ZNF114: variants seen among roughly 807,000 people sequenced by gnomAD.
The protein encoded by ZNF114 is zinc finger protein 114.
A neutral mutation model predicts 6.8 loss-of-function variants in ZNF114; 8 were observed. The observed-to-expected ratio is 1.18, with a 90% CI of 0.69 to 2.13. ZNF114 has a LOEUF of 2.13. ZNF114 is among the 30% of genes most tolerant of loss of function. The pLI, the probability that ZNF114 is intolerant of heterozygous loss-of-function variation, is 0.00. For synonymous variants in ZNF114, 169 were observed against 185.5 expected (o/e 0.91, Z 0.72); for missense variants, 472 against 519.5 (o/e 0.91, Z 0.89).
chr19:48,272,458 G>C (rs116842645), intron 3 of ZNF114, among the ~76,000 whole-genome samples: 24,911 of 147,976 alleles, frequency 0.17, 2,287 homozygotes, highest in Non-Finnish European at 0.21. Context: ...GCCGGGCATG[G>C]TGGCGGGCGC....
chr19:48,274,047 G>A (rs559932627), intron 3 of ZNF114, among the ~76,000 whole-genome samples: 45 of 150,964 alleles, frequency 3.0e-4, no homozygotes, highest in African/African-American at 1.0e-3. Context: ...GTGAGCCACC[G>A]TGCCTGGCCA....
chr19:48,275,055 C>G (rs148465029), intron 3 of ZNF114, among the ~76,000 whole-genome samples: 4,053 of 147,578 alleles, frequency 0.027, 171 homozygotes, highest in African/African-American at 0.093. Flanking sequence ...GGTGGGAGGA[C>G]TGCTTGACCC....
Position 48,286,620 on chromosome 19 carries a change from T to C in ZNF114, c.996T>C (p.Tyr332=). 6.2e-7 allele frequency: 1 copy of C among 1,613,938 alleles called. No homozygotes were observed. Among genetic ancestry groups the C allele is most frequent in the Middle Eastern group, 1.7e-4 (1 of 6,060 alleles). The change falls in exon 6 of 6, where the codon TAT becomes TAC. Residue 332 remains tyrosine, a synonymous_variant. Coordinates refer to ENST00000595607, the MANE Select transcript of ZNF114 (RefSeq NM_153608.4). ...HMKIHTGEKP[Y]ECGKCGKAFR... ...AAATTCACACTGGAGAGAAACCGTA[T>C]GAATGTGGGAAATGTGGGAAAGCCT... is the stretch of plus-strand genomic sequence containing the variant.
intron 3 of ZNF114, among the ~76,000 whole-genome samples, chr19:48,275,215 A>G (rs1394012178): frequency 7.5e-6 from 1 of 133,304 alleles, no homozygotes; most frequent in African/African-American, 2.8e-5. Context: ...GAAGAGAGAA[A>G]GAGAGAGGGA....
At chr19:48,270,570 AAAGAAAG>A (rs1264971943) in intron 1 of ZNF114, among the ~76,000 whole-genome samples, 2 of 147,452 alleles carry the variant, frequency 1.4e-5, no homozygotes, top group Non-Finnish European at 3.0e-5. Flanking sequence ...GAGAAAGAAA[AAAGAAAG>A]AAGAAAGAAA....
Position 48,279,824 on chromosome 19 carries a change from A to T in ZNF114, c.9+16A>T, listed in dbSNP as rs1257328955. The T allele has an allele frequency of 6.2e-7, 1 of 1,613,764 alleles. No individual in the cohort carries two copies. ...TATGTCCCAGGTAAGTTGGCAGCTC[A>T]CCCTCTCCCAGAAGCGTGTTGTCGT... On this transcript the variant is annotated intron_variant, in intron 4 of 5. Transcript: ENST00000595607.
At chr19:48,270,882 C>A (rs914441845) in intron 1 of ZNF114, among the ~76,000 whole-genome samples, 5 of 151,694 alleles carry the variant, frequency 3.3e-5, no homozygotes, top group African/African-American at 1.2e-4. Context: ...ATCGCTGAAA[C>A]CCTGTCTTTA....
Position 48,286,138 on chromosome 19 carries a change from GAA to G in ZNF114, c.517_518del (p.Asn173GlnfsTer39), listed in dbSNP as rs780473864. 25 of 1,614,052 alleles carry G rather than the reference GAA, an allele frequency of 1.5e-5. No homozygotes were observed. The highest frequency in any genetic ancestry group is 2.1e-5 in the Non-Finnish European group (25 of 1,180,042). On this transcript the variant is annotated frameshift_variant, in exon 6 of 6. Transcript: ENST00000595607. LOFTEE classifies it low-confidence loss of function (END_TRUNC). The stretch of plus-strand genomic sequence containing the variant: ...CTTAAACGATAGTCAAAAAACACAT[GAA>G]AACAACGAAGACGATGGAGTCTTGG... ...PVLNDSQKTH[E>X]NNEDDGVLGW...
chr19:48,286,810 G>T lies in ZNF114; in HGVS notation c.1186G>T (p.Asp396Tyr). ...CTATAAATGTAAGACATGTGGAAAA[G>T]ACTTTGCAAAGTCGTCAGGACTTAA... ...KPYKCKTCGKDFAKSSGLKKH... is the reference protein window; with the variant it reads ...KPYKCKTCGKYFAKSSGLKKH... Residue 396 changes from aspartate to tyrosine, a missense_variant, in exon 6 of 6, where the codon GAC (aspartate) becomes TAC (tyrosine). Asp to Tyr is a radical substitution (Grantham distance 160, BLOSUM62 -3). Coordinates refer to ENST00000595607, the MANE Select transcript of ZNF114 (RefSeq NM_153608.4). 2 of 1,601,958 alleles carry T rather than the reference G, an allele frequency of 1.2e-6. No individual in the cohort carries two copies. Among genetic ancestry groups the T allele is most frequent in the Non-Finnish European group, 1.7e-6 (2 of 1,176,854 alleles).
chr19:48,280,547 AT>A (rs397859226), intron 4 of ZNF114, among the ~76,000 whole-genome samples: 5,432 of 122,906 alleles, frequency 0.044, 273 homozygotes, highest in African/African-American at 0.15. Flanking sequence ...CCCACTCCAA[AT>A]TTTTTTTTTT....
chr19:48,287,533 C>G lies in ZNF114; in HGVS notation c.*655C>G, dbSNP rs1325427552. 1 of 151,700 alleles carries G rather than the reference C, an allele frequency of 6.6e-6. No homozygotes were observed. The highest frequency in any genetic ancestry group is 1.5e-5 in the Non-Finnish European group (1 of 67,956). 9.4% of individuals were successfully genotyped at this position (151,700 alleles called of 1,614,324 possible). ...AAAGTAGGAAAGACCTCTTTAAACA[C>G]TTACCACTCATGTTGCATGTGAATC... is the stretch of plus-strand genomic sequence containing the variant. On this transcript the variant is annotated 3_prime_UTR_variant, in exon 6 of 6. Coordinates refer to ENST00000595607, the MANE Select transcript of ZNF114 (RefSeq NM_153608.4).
intron 5 of ZNF114, among the ~76,000 whole-genome samples, chr19:48,285,427 G>A (rs1331868899): frequency 6.6e-6 from 1 of 152,068 alleles, no homozygotes; most frequent in Non-Finnish European, 1.5e-5. Flanking sequence ...GAACCTGGGA[G>A]GCGGAGGTTG....
At chr19:48,277,794 G>GGGTGTGTGTGTGTGTGTGTGTGT (rs1330052475) in intron 3 of ZNF114, among the ~76,000 whole-genome samples, 14 of 119,410 alleles carry the variant, frequency 1.2e-4, no homozygotes, top group African/African-American at 4.6e-4. Context: ...GGAGGCATTG[G>GGGTGTGTGTGTGTGTGTGTGTGT]GTGTGTGTGT....
chr19:48,282,149 C>T (rs1968010280), intron 4 of ZNF114: 1 of 386,986 alleles, frequency 2.6e-6, no homozygotes, highest in East Asian at 6.9e-5. Flanking sequence ...CCACCTGCCT[C>T]AGCCTCCCAA....
In ZNF114 at chr19:48,286,367, A is replaced by T; in HGVS notation, c.743A>T (p.Tyr248Phe). The T allele has an allele frequency of 3.7e-6, 6 of 1,614,206 alleles. No homozygotes were observed. The highest frequency in any genetic ancestry group is 5.1e-6 in the Non-Finnish European group (6 of 1,180,044). Residue 248 changes from tyrosine (Y) to phenylalanine (F), a missense_variant, in exon 6 of 6, where the codon TAT becomes TTT. Coordinates refer to ENST00000595607, the MANE Select transcript of ZNF114 (RefSeq NM_153608.4). ...AHNTHGREKM[Y>F]DFTQCENTSR... ...AACACTCATGGTCGAGAGAAAATGT[A>T]TGATTTTACTCAGTGCGAGAACACC...
rs754084497 is a variant in ZNF114 at position 48,271,848 on chromosome 19, C to G, written c.-70+20C>G. ...GGAAGAGTAAGTGTGCCTGAGTGTC[C>G]GTACTAAGGGCGGGACCGGGCCGGG... On this transcript the variant is annotated intron_variant, in intron 3 of 5. Coordinates refer to ENST00000595607, the MANE Select transcript of ZNF114 (RefSeq NM_153608.4). 6.6e-6 allele frequency: 1 copy of G among 152,334 alleles called. No individual in the cohort carries two copies. Among genetic ancestry groups the G allele is most frequent in the Non-Finnish European group, 1.5e-5 (1 of 68,196 alleles). 9.4% of individuals were successfully genotyped at this position (152,334 alleles called of 1,614,324 possible).
At chr19:48,273,056 A>G (rs1453127968) in intron 3 of ZNF114, among the ~76,000 whole-genome samples, 1 of 152,130 alleles carries the variant, frequency 6.6e-6, no homozygotes, top group African/African-American at 2.4e-5. Flanking sequence ...CGGCCTCCCA[A>G]AGGGCTGGGA....
chr19:48,280,547 A>ATTT (rs397859226), intron 4 of ZNF114, among the ~76,000 whole-genome samples: 25 of 123,000 alleles, frequency 2.0e-4, no homozygotes, highest in Non-Finnish European at 2.7e-4. Flanking sequence ...CCCACTCCAA[A>ATTT]TTTTTTTTTT....
intron 3 of ZNF114, among the ~76,000 whole-genome samples, chr19:48,278,435 C>T (rs2147288263): frequency 6.6e-6 from 1 of 152,296 alleles, no homozygotes; most frequent in African/African-American, 2.4e-5. Context: ...CTATTCTGGA[C>T]ATTTCATTTT....
Sources: gnomAD v4.1 joint callset for allele counts (sites outside exome capture counted in the v4.1 genomes callset) on GRCh38, gnomAD v4.1.1 for gene constraint, MANE v1.5 for transcripts, NCBI Gene and HGNC (gene_info 2026-07-23, HGNC 2026-07-21) for gene names.